PLEKHA6: variants seen among roughly 807,000 people sequenced by gnomAD.
PLEKHA6 encodes the protein pleckstrin homology domain containing A6, also known as pleckstrin homology domain-containing family A member 6.
In PLEKHA6, 60 loss-of-function variants were observed where a neutral mutation model predicts 116.7. That is an observed-to-expected ratio of 0.51 (90% CI 0.42 to 0.64). The LOEUF (loss-of-function observed/expected upper bound fraction) is 0.64. Among genes scored for constraint, PLEKHA6 ranks in the 30% least tolerant of loss-of-function variants. The probability of loss-of-function intolerance (pLI) is 0.00; values close to 1 mark genes in which losing one functional copy is unlikely to be tolerated. For synonymous variants in PLEKHA6, 489 were observed against 556.1 expected (o/e 0.88, Z 1.70); for missense variants, 1,338 against 1,422.7 (o/e 0.94, Z 0.96).
intron 1 of PLEKHA6, among the ~76,000 whole-genome samples, chr1:204,339,143 A>G (rs1212097870): frequency 1.3e-5 from 2 of 152,188 alleles, no homozygotes; most frequent in African/African-American, 4.8e-5. Context: ...TGGAGAGGCC[A>G]CTTGTGGTGC....
intron 9 of PLEKHA6, among the ~76,000 whole-genome samples, chr1:204,256,406 G>A (rs1330988754): frequency 1.3e-5 from 2 of 152,132 alleles, no homozygotes; most frequent in Admixed American, 1.3e-4. Context: ...CCCAAAAGTG[G>A]CATTCCAGGC....
chr1:204,374,099 C>G (rs568878192), intron 1 of PLEKHA6, among the ~76,000 whole-genome samples: 1 of 152,288 alleles, frequency 6.6e-6, no homozygotes, highest in East Asian at 1.9e-4. Context: ...CCTATCACAC[C>G]CTTGACATTC....
At chr1:204,267,399 G>T in intron 5 of PLEKHA6, 76 bp downstream of exon 5, 3 of 1,313,134 alleles carry the variant, frequency 2.3e-6, no homozygotes, top group South Asian at 1.2e-5. Flanking sequence ...AGCCAAGCTC[G>T]GGGATATGGC....
chr1:204,355,674 A>G (rs1673393939), intron 1 of PLEKHA6, among the ~76,000 whole-genome samples: 1 of 150,780 alleles, frequency 6.6e-6, no homozygotes, highest in Non-Finnish European at 1.5e-5. Context: ...TTCTGGCTTC[A>G]AGTAATCCAC....
intron 1 of PLEKHA6, among the ~76,000 whole-genome samples, chr1:204,312,852 T>C (rs1379579752): frequency 4.3e-5 from 3 of 69,216 alleles, no homozygotes; most frequent in Non-Finnish European, 8.6e-5. Context: ...TTTTCTTTTC[T>C]TTTCTTTTCT....
chr1:204,228,988 A>G lies in PLEKHA6; in HGVS notation c.2700T>C (p.Leu900=). The change falls in exon 19 of 23, where the codon CTT becomes CTC. Residue 900 remains leucine, a synonymous_variant. Coordinates refer to ENST00000272203, the MANE Select transcript of PLEKHA6 (RefSeq NM_014935.5). The surrounding 1 kb of genome is among the most constrained non-coding windows in gnomAD (Gnocchi z 4.0). ...GCTGGGGCTCTAGCTCCATTTTGCGAAGCCGGGCAATTTCCTCCCGGGGTG... is the reference window on the plus strand; with the variant it reads ...GCTGGGGCTCTAGCTCCATTTTGCGGAGCCGGGCAATTTCCTCCCGGGGTG... The part of the protein sequence containing the change: ...YETPREEIAR[L]RKMELEPQHY... 6.2e-7 allele frequency: 1 copy of G among 1,614,140 alleles called. No homozygotes were observed. The highest frequency in any genetic ancestry group is 8.5e-7 in the Non-Finnish European group (1 of 1,180,026).
intron 1 of PLEKHA6, chr1:204,301,629 G>A (rs1389293176): frequency 4.7e-6 from 1 of 211,788 alleles, no homozygotes; most frequent in African/African-American, 2.4e-5. Flanking sequence ...ACAGAGAGAA[G>A]GGGGGCTTGA....
intron 1 of PLEKHA6, among the ~76,000 whole-genome samples, chr1:204,354,964 C>T (rs747263717): frequency 2.6e-5 from 4 of 152,200 alleles, no homozygotes; most frequent in Non-Finnish European, 5.9e-5. Flanking sequence ...AGCAAGTGTG[C>T]CATTCCAGGG....
Position 204,355,719 on chromosome 1 carries a change from C to A in PLEKHA6, c.-95+3975G>T, listed in dbSNP as rs576091663. On this transcript the variant is annotated intron_variant, in intron 1 of 22. Transcript: ENST00000272203. ...CCTCCCAAAGTGCTGGGATTACAGGCATGAGCCACTATTCCTGGCCAACTG... is the reference window on the plus strand; with the variant it reads ...CCTCCCAAAGTGCTGGGATTACAGGAATGAGCCACTATTCCTGGCCAACTG... Among the ~76,000 whole-genome samples, 6 of 152,308 alleles carry A rather than the reference C, an allele frequency of 3.9e-5. No individual in the cohort carries two copies. The South Asian group carries it at 1.0e-3, about 26-fold the overall frequency.
At chr1:204,335,498 T>C (rs1330009679) in intron 1 of PLEKHA6, among the ~76,000 whole-genome samples, 1 of 151,940 alleles carries the variant, frequency 6.6e-6, no homozygotes. Flanking sequence ...GGGGATCCCA[T>C]CTCTCAAAGG....
In PLEKHA6 at chr1:204,228,835, G is replaced by T; in HGVS notation, c.2778C>A (p.Ile926=). Residue 926 remains isoleucine (I), a synonymous_variant, in exon 20 of 23, where the codon ATC becomes ATA. Coordinates refer to ENST00000272203, the MANE Select transcript of PLEKHA6 (RefSeq NM_014935.5). This position sits in a 1 kb window ranked among gnomAD's most constrained non-coding sequence, Gnocchi z 4.0. ...KELSTPDKVL[I]PERYIDLEPD... Reference sequence around the variant, plus strand: ...GCTCCAGGTCAATGTACCGTTCAGGGATGAGGACTTTGTCTGGAGTGGAGA... The same window carrying T: ...GCTCCAGGTCAATGTACCGTTCAGGTATGAGGACTTTGTCTGGAGTGGAGA... 1.2e-6 allele frequency: 2 copies of T among 1,614,086 alleles called. No homozygotes were observed. Among genetic ancestry groups the T allele is most frequent in the Non-Finnish European group, 1.7e-6 (2 of 1,179,992 alleles).
intron 1 of PLEKHA6, among the ~76,000 whole-genome samples, chr1:204,330,171 C>A (rs1672396910): frequency 6.6e-6 from 1 of 152,076 alleles, no homozygotes; most frequent in Admixed American, 6.6e-5. Context: ...TTGATCTTAG[C>A]CAAAAAGCTG....
intron 1 of PLEKHA6, among the ~76,000 whole-genome samples, chr1:204,294,828 T>G (rs1042843550): frequency 7.2e-5 from 11 of 152,180 alleles, no homozygotes; most frequent in Non-Finnish European, 1.6e-4. Flanking sequence ...CACAAAAAAT[T>G]TATGAAAGGT....
rs759266955 is a variant in PLEKHA6, at chr1:204,257,910, G to A, written c.1008-41C>T. 35 of 1,560,356 alleles carry A rather than the reference G, an allele frequency of 2.2e-5. 1 individual carries two copies. In the African/African-American group the frequency reaches 4.2e-4, roughly 19 times the overall value. ...CATTGTAATGAAGGCAGACAACACG[G>A]GCACCCCTCCACCCACCCCAGCCCC... On this transcript the variant is annotated intron_variant, in intron 8 of 22. Coordinates refer to ENST00000272203, the MANE Select transcript of PLEKHA6 (RefSeq NM_014935.5). The surrounding 1 kb of genome is among the most constrained non-coding windows in gnomAD (Gnocchi z 6.5).
At chr1:204,314,353 G>T (rs986311338) in intron 1 of PLEKHA6, among the ~76,000 whole-genome samples, 13 of 152,156 alleles carry the variant, frequency 8.5e-5, no homozygotes, top group Non-Finnish European at 1.5e-4. Context: ...CCCGGGGAGA[G>T]AAATAAATTC....
At position 204,219,932 on chromosome 1, in the gene PLEKHA6, C is replaced by A. The variant is rs1659474196; in HGVS notation, c.*2856G>T. ...CAGTCTGGATACCAGACTGAGGTAC[C>A]ATGCCTTTGGTACAGCCCCCAGAGA... On this transcript the variant is annotated 3_prime_UTR_variant, in exon 23 of 23. Transcript: ENST00000272203. 6.6e-6 allele frequency: 1 copy of A among 152,174 alleles called. No individual in the cohort carries two copies. The allele number at this position is 152,174 out of a possible 1,614,324, so 9.4% of individuals were successfully genotyped here.
intron 1 of PLEKHA6, among the ~76,000 whole-genome samples, chr1:204,328,601 G>A (rs1471492685): frequency 6.6e-6 from 1 of 151,998 alleles, no homozygotes; most frequent in African/African-American, 2.4e-5. Flanking sequence ...GGTCAGGCTA[G>A]TATCAAACTC....
At chr1:204,256,978 T>C in intron 9 of PLEKHA6, 2 of 581,496 alleles carry the variant, frequency 3.4e-6, no homozygotes, top group Non-Finnish European at 6.1e-6. Context: ...GGTATTTGTG[T>C]TCAGTTCCCA....
Position 204,359,793 on chromosome 1 carries a change from GC to G in PLEKHA6, c.-195del. 1 of 623,708 alleles carries G rather than the reference GC, an allele frequency of 1.6e-6. No individual in the cohort carries two copies. Among genetic ancestry groups the G allele is most frequent in the Non-Finnish European group, 2.0e-6 (1 of 498,628 alleles). 38.6% of individuals were successfully genotyped at this position (623,708 alleles called of 1,614,324 possible). Reference sequence around the variant, plus strand: ...AGGCCAGCTGGGGTCCTCCTCCCCCGCCCCTGGGGCCCCCTTCTGCAGAGCG... The same window carrying G: ...AGGCCAGCTGGGGTCCTCCTCCCCCGCCCTGGGGCCCCCTTCTGCAGAGCG... On this transcript the variant is annotated 5_prime_UTR_variant, in exon 1 of 23. Coordinates refer to ENST00000272203, the MANE Select transcript of PLEKHA6 (RefSeq NM_014935.5).
Sources: gnomAD v4.1 joint callset for allele counts (sites outside exome capture counted in the v4.1 genomes callset) on GRCh38, gnomAD v4.1.1 for gene constraint, Gnocchi (gnomAD v3.1) non-coding constraint, MANE v1.5 for transcripts, NCBI Gene and HGNC (gene_info 2026-07-23, HGNC 2026-07-21) for gene names.